GAREM1: variants seen among roughly 807,000 people sequenced by gnomAD.
GAREM1 encodes the protein GRB2 associated regulator of MAPK1 subtype 1, also known as GRB2-associated and regulator of MAPK protein 1.
GAREM1 carries 26 observed loss-of-function variants against 71.3 expected under a neutral mutation model. The ratio of observed to expected loss-of-function variants is 0.36; its 90% CI spans 0.27 to 0.51. The LOEUF is 0.51. Among genes scored for constraint, GAREM1 ranks in the 20% least tolerant of loss-of-function variants. The pLI, the probability that GAREM1 is intolerant of heterozygous loss-of-function variation, is 0.95. For synonymous variants in GAREM1, 440 were observed against 433.2 expected, an observed-to-expected ratio of 1.02 and a Z score of -0.20; for missense variants, 1,026 against 1,103.1, an observed-to-expected ratio of 0.93 and a Z score of 0.99.
intron 1 of GAREM1, among the ~76,000 whole-genome samples, chr18:32,411,493 CTTT>C (rs567164283): frequency 6.7e-6 from 1 of 148,740 alleles, no homozygotes; most frequent in South Asian, 2.1e-4. Context: ...AAAAATATTT[CTTT>C]TTTTTTTCAT....
intron 2 of GAREM1, among the ~76,000 whole-genome samples, chr18:32,346,059 C>T (rs554779682): frequency 2.0e-5 from 3 of 152,122 alleles, no homozygotes; most frequent in East Asian, 1.9e-4. Flanking sequence ...GAATATATCA[C>T]GTATAGTTAC....
chr18:32,401,860 T>C (rs1263363728), intron 1 of GAREM1, among the ~76,000 whole-genome samples: 1 of 152,194 alleles, frequency 6.6e-6, no homozygotes, highest in Admixed American at 6.5e-5. Context: ...TTAATCAAAA[T>C]GAAAATTTAA....
intron 2 of GAREM1, among the ~76,000 whole-genome samples, chr18:32,386,264 T>C (rs2048146385): frequency 6.6e-6 from 1 of 152,230 alleles, no homozygotes; most frequent in Non-Finnish European, 1.5e-5. Flanking sequence ...TTTCAACATT[T>C]CCTTTTGTTC....
In GAREM1 at chr18:32,290,057, A is replaced by G. The variant is rs183412427; in HGVS notation, c.394-1854T>C. ...CTAAAGAGTCATCCCTTTCATCACT[A>G]ATTTGCAGTGTCACTTTTACTGTAT... On this transcript the variant is annotated intron_variant, in intron 3 of 5. Transcript: ENST00000269209. 1.2e-3 allele frequency among the ~76,000 whole-genome samples: 187 copies of G among 151,870 alleles called. 1 individual carries two copies. In the Middle Eastern group the frequency reaches 0.014, roughly 11 times the overall value.
chr18:32,398,794 G>A (rs2048283158), intron 1 of GAREM1, among the ~76,000 whole-genome samples: 1 of 152,024 alleles, frequency 6.6e-6, no homozygotes, highest in Non-Finnish European at 1.5e-5. Flanking sequence ...AGAAAAAGAG[G>A]GAATCCTCCC....
At chr18:32,397,252 C>G (rs2144665532) in intron 1 of GAREM1, among the ~76,000 whole-genome samples, 1 of 152,224 alleles carries the variant, frequency 6.6e-6, no homozygotes, top group Admixed American at 6.5e-5. Flanking sequence ...AACTAACGAG[C>G]AAAATAACCA....
chr18:32,375,269 T>C (rs2048021372), intron 2 of GAREM1, among the ~76,000 whole-genome samples: 1 of 152,144 alleles, frequency 6.6e-6, no homozygotes. Context: ...AGGCAAGCAC[T>C]AGAATCTACC....
intron 2 of GAREM1, among the ~76,000 whole-genome samples, chr18:32,364,026 A>ATATATATATATTTT (rs1336753011): frequency 6.5e-5 from 3 of 46,418 alleles, no homozygotes; most frequent in Non-Finnish European, 1.0e-4. Flanking sequence ...ATATATATAT[A>ATATATATATATTTT]TGTTTTTTTT....
At chr18:32,303,372 A>G (rs1336417265) in intron 3 of GAREM1, among the ~76,000 whole-genome samples, 2 of 152,180 alleles carry the variant, frequency 1.3e-5, no homozygotes, top group African/African-American at 4.8e-5. Flanking sequence ...CATAGTAAAG[A>G]TAGAGCTTAA....
intron 1 of GAREM1, among the ~76,000 whole-genome samples, chr18:32,443,192 T>C (rs1310246480): frequency 1.3e-5 from 2 of 152,122 alleles, no homozygotes; most frequent in Admixed American, 6.6e-5. Flanking sequence ...ATAAAACTCT[T>C]AGAAGAAAGC....
chr18:32,315,461 TATAA>T (rs1026769883), intron 2 of GAREM1, among the ~76,000 whole-genome samples: 23 of 147,136 alleles, frequency 1.6e-4, no homozygotes, highest in African/African-American at 3.9e-4. Flanking sequence ...AAAGTATATA[TATAA>T]ATATATATAA....
At chr18:32,282,125 G>A (rs796676609) in intron 4 of GAREM1, among the ~76,000 whole-genome samples, 5 of 151,902 alleles carry the variant, frequency 3.3e-5, no homozygotes, top group African/African-American at 9.7e-5. Flanking sequence ...CTCTCTTTTC[G>A]GACTCAGCCC....
At chr18:32,332,718 C>T (rs2047549743) in intron 2 of GAREM1, among the ~76,000 whole-genome samples, 2 of 152,156 alleles carry the variant, frequency 1.3e-5, no homozygotes, top group South Asian at 4.1e-4. Flanking sequence ...TCTGACGGGA[C>T]ACTGTCGGGA....
intron 4 of GAREM1, among the ~76,000 whole-genome samples, chr18:32,283,787 C>T (rs1470103762): frequency 6.6e-6 from 1 of 152,122 alleles, no homozygotes; most frequent in African/African-American, 2.4e-5. Flanking sequence ...AAGATACAAA[C>T]AGAAAAGGGC....
rs550108468 is a variant in GAREM1, at chr18:32,451,041, T to C, written c.121+19267A>G. Among the ~76,000 whole-genome samples, 8 of 152,034 alleles carry C rather than the reference T, an allele frequency of 5.3e-5. No homozygotes were observed. In the South Asian group the frequency reaches 1.7e-3, roughly 32 times the overall value. ...GCACACACCTATAGTCCCAGCTACT[T>C]AGAGGGGCTGAGGTGGCAGAACCAC... On this transcript the variant is annotated intron_variant, in intron 1 of 5. Transcript: ENST00000269209.
At chr18:32,456,911 C>G (rs2048895369) in intron 1 of GAREM1, among the ~76,000 whole-genome samples, 1 of 152,006 alleles carries the variant, frequency 6.6e-6, no homozygotes. Context: ...GTGATATAAG[C>G]AAGAGGCTGA....
Position 32,268,337 on chromosome 18 carries a change from C to T in GAREM1, c.2165G>A (p.Cys722Tyr), listed in dbSNP as rs181354924. The T allele has an allele frequency of 6.2e-7, 1 of 1,614,128 alleles. No individual in the cohort carries two copies. Among genetic ancestry groups the T allele is most frequent in the Admixed American group, 1.7e-5 (1 of 60,010 alleles). ...TGGAGCCCTGGGGGGTAAGGCAGGG[C>T]ATGACGTACTCTGCTTTGTCACACC... ...AAGVTKQSTS[C>Y]PALPPRAPKL... is the part of the protein sequence containing the mutation. Residue 722 changes from cysteine to tyrosine, a missense_variant, in exon 6 of 6, where the codon TGC becomes TAC. By Grantham distance (194) the Cys-to-Tyr change is radical. Transcript: ENST00000269209.
chr18:32,401,356 T>A (rs894390622), intron 1 of GAREM1, among the ~76,000 whole-genome samples: 1 of 150,576 alleles, frequency 6.6e-6, no homozygotes, highest in Non-Finnish European at 1.5e-5. Flanking sequence ...ACTAATTGAA[T>A]ATAAAAAAGA....
intron 1 of GAREM1, among the ~76,000 whole-genome samples, chr18:32,403,062 C>T (rs1425000471): frequency 2.0e-5 from 3 of 151,946 alleles, no homozygotes; most frequent in African/African-American, 4.8e-5. Flanking sequence ...GGATTACAGG[C>T]GTGCACCACT....
Sources: allele counts gnomAD v4.1 joint callset (sites outside exome capture counted in the v4.1 genomes callset), GRCh38; gene constraint gnomAD v4.1.1; transcripts MANE v1.5; gene names NCBI Gene and HGNC (gene_info 2026-07-23, HGNC 2026-07-21).